LEPROT: variants seen among roughly 807,000 people sequenced by gnomAD.
The protein encoded by LEPROT is leptin receptor gene-related protein.
In LEPROT, 3 loss-of-function variants were observed where a neutral mutation model predicts 15.4. The observed-to-expected ratio is 0.19, with a 90% CI of 0.09 to 0.50. The LOEUF is 0.50. Among genes scored for constraint, LEPROT ranks in the 20% least tolerant of loss-of-function variants. The pLI, the probability that LEPROT is intolerant of heterozygous loss-of-function variation, is 0.97. For synonymous variants in LEPROT, 59 were observed against 57.5 expected (o/e 1.03, Z -0.12); for missense variants, 137 against 162.2 (o/e 0.84, Z 0.84).
Position 65,434,248 on chromosome 1 carries a change from T to C in LEPROT, c.*2329T>C, listed in dbSNP as rs757700562. 1 of 979,022 alleles carries C rather than the reference T, an allele frequency of 1.0e-6. No individual in the cohort carries two copies. The highest frequency in any genetic ancestry group is 1.2e-6 in the Non-Finnish European group (1 of 824,080). 60.6% of individuals were successfully genotyped at this position (979,022 alleles called of 1,614,324 possible). ...TAAATATTAATAGGAAATATTGCTA[T>C]ATCTGAATATATAATACAAAAGTTT... is the stretch of plus-strand genomic sequence containing the variant. On this transcript the variant is annotated 3_prime_UTR_variant, in exon 4 of 4. Transcript: ENST00000371065.
intron 2 of LEPROT, among the ~76,000 whole-genome samples, chr1:65,426,375 A>C (rs575969453): frequency 4.6e-5 from 7 of 152,104 alleles, no homozygotes; most frequent in Non-Finnish European, 1.0e-4. Context: ...TGCCGTGTAG[A>C]GGAGGTTCCA....
chr1:65,435,180 A>G lies in LEPROT; in HGVS notation c.*3261A>G, dbSNP rs1351153139. 4 of 985,174 alleles carry G rather than the reference A, an allele frequency of 4.1e-6. No individual in the cohort carries two copies. Among genetic ancestry groups the G allele is most frequent in the African/African-American group, 3.5e-5 (2 of 57,168 alleles). The allele number at this position is 985,174 out of a possible 1,614,324, so 61.0% of individuals were successfully genotyped here. ...GTTCTGAGCTGGTCCTGCTTTTCAT[A>G]GTTGTTTCTTTTCTTCCACTTAAGA... is the stretch of plus-strand genomic sequence containing the variant. On this transcript the variant is annotated 3_prime_UTR_variant, in exon 4 of 4. Coordinates refer to ENST00000371065, the MANE Select transcript of LEPROT (RefSeq NM_017526.5).
rs980318507 is a variant in LEPROT at position 65,434,400 on chromosome 1, A to G, written c.*2481A>G. ...TCGAAAACTGAGATTGCACTTCCAAAATTGGCCACAAGTAAATAATCTTAT... is the reference window on the plus strand; with the variant it reads ...TCGAAAACTGAGATTGCACTTCCAAGATTGGCCACAAGTAAATAATCTTAT... On this transcript the variant is annotated 3_prime_UTR_variant, in exon 4 of 4. Coordinates refer to ENST00000371065, the MANE Select transcript of LEPROT (RefSeq NM_017526.5). The G allele has an allele frequency of 2.0e-6, 2 of 985,384 alleles. No homozygotes were observed. Among genetic ancestry groups the G allele is most frequent in the Non-Finnish European group, 2.4e-6 (2 of 829,926 alleles). The allele number at this position is 985,384 out of a possible 1,614,324, so 61.0% of individuals were successfully genotyped here.
Position 65,425,212 on chromosome 1 carries a change from C to T in LEPROT, c.17-91C>T. 4.9e-6 allele frequency: 5 copies of T among 1,027,822 alleles called. 1 individual carries two copies. In the South Asian group the frequency reaches 6.8e-5, roughly 14 times the overall value. The allele number at this position is 1,027,822 out of a possible 1,614,324, so 63.7% of individuals were successfully genotyped here. On this transcript the variant is annotated intron_variant, in intron 1 of 3. Transcript: ENST00000371065. ...CTCATCCGCCAAAGAAACTCTGGAC[C>T]TATTAGAAGTCACTCCCCATTTCCC...
chr1:65,431,822 G>T lies in LEPROT; in HGVS notation c.299G>T (p.Gly100Val). 6.2e-7 allele frequency: 1 copy of T among 1,613,778 alleles called. No homozygotes were observed. Among genetic ancestry groups the T allele is most frequent in the Non-Finnish European group, 8.5e-7 (1 of 1,179,854 alleles). Residue 100 changes from glycine (G) to valine (V), a missense_variant, in exon 4 of 4, where the codon GGC (glycine) becomes GTC (valine). By Grantham distance (109) the Gly-to-Val change is moderately radical. Coordinates refer to ENST00000371065, the MANE Select transcript of LEPROT (RefSeq NM_017526.5). The stretch of plus-strand genomic sequence containing the variant: ...TTTCAGATCAAATGGGGAGCCTGCG[G>T]CCTTGTGTTGGCAGGCAATGCAGTC... Reference protein sequence around the residue: ...RVAVIKWGACGLVLAGNAVIF... With the variant: ...RVAVIKWGACVLVLAGNAVIF...
Position 65,433,762 on chromosome 1 carries a change from C to G in LEPROT, c.*1843C>G. The G allele has an allele frequency of 1.1e-6, 1 of 918,440 alleles. No individual in the cohort carries two copies. Among genetic ancestry groups the G allele is most frequent in the African/African-American group, 1.8e-5 (1 of 55,782 alleles). The allele number at this position is 918,440 out of a possible 1,614,324, so 56.9% of individuals were successfully genotyped here. ...TTAACCGGCATTTTTAATAATGACA[C>G]TTGCATTTATTGTATTGTAATAAAT... On this transcript the variant is annotated 3_prime_UTR_variant, in exon 4 of 4. Coordinates refer to ENST00000371065, the MANE Select transcript of LEPROT (RefSeq NM_017526.5).
intron 2 of LEPROT, 37 bp from the exon 3 acceptor site, chr1:65,429,825 C>T (rs1376029423): frequency 7.2e-7 from 1 of 1,380,462 alleles, no homozygotes; most frequent in Non-Finnish European, 9.5e-7. Context: ...GTAACTGTTA[C>T]TTTTCTTTTT....
Position 65,434,610 on chromosome 1 carries a change from C to T in LEPROT, c.*2691C>T, listed in dbSNP as rs1646533459. ...CTGCCTGAGTTTTGGGTCTCTGAGA[C>T]AGGGTAGTGTGAGTAGTTTGGAGGA... On this transcript the variant is annotated 3_prime_UTR_variant, in exon 4 of 4. Coordinates refer to ENST00000371065, the MANE Select transcript of LEPROT (RefSeq NM_017526.5). The T allele has an allele frequency of 1.0e-6, 1 of 985,310 alleles. No homozygotes were observed. The highest frequency in any genetic ancestry group is 1.2e-6 in the Non-Finnish European group (1 of 829,960). The allele number at this position is 985,310 out of a possible 1,614,324, so 61.0% of individuals were successfully genotyped here.
chr1:65,431,229 A>G (rs1238057651), intron 3 of LEPROT, among the ~76,000 whole-genome samples: 1 of 152,204 alleles, frequency 6.6e-6, no homozygotes. Context: ...TACTGCCATC[A>G]TATTTTGTGA....
At chr1:65,420,763 C>G (rs747963440) in intron 1 of LEPROT, 23 bp downstream of exon 1, 2 of 1,576,738 alleles carry the variant, frequency 1.3e-6, no homozygotes, top group South Asian at 2.3e-5. Context: ...CCCCGGCTCG[C>G]TTGTCGTGTG....
chr1:65,429,789 A>G (rs2100215845), intron 2 of LEPROT, 73 bp from the exon 3 acceptor site: 3 of 1,213,118 alleles, frequency 2.5e-6, no homozygotes, highest in East Asian at 5.4e-5. Flanking sequence ...TGATTTTGAA[A>G]TAGTAGTATG....
intron 1 of LEPROT, chr1:65,421,201 CAG>C (rs1570405507): frequency 2.1e-6 from 2 of 960,546 alleles, no homozygotes; most frequent in East Asian, 2.7e-5. Flanking sequence ...TCCAACTGGG[CAG>C]AGTTGACCGC....
At position 65,420,717 on chromosome 1, in the gene LEPROT, C is replaced by A. The variant is rs189950527; in HGVS notation, c.-8C>A. 6.3e-7 allele frequency: 1 copy of A among 1,583,292 alleles called. No individual in the cohort carries two copies. The highest frequency in any genetic ancestry group is 1.3e-5 in the African/African-American group (1 of 74,494). On this transcript the variant is annotated 5_prime_UTR_variant, in exon 1 of 4. Transcript: ENST00000371065. The stretch of plus-strand genomic sequence containing the variant: ...GCCGGAAGCAGCCGCGGCCCCAGTT[C>A]GGGAGACATGGCGGGCGTTAAAGGT...
chr1:65,428,622 G>A (rs564539953), intron 2 of LEPROT, among the ~76,000 whole-genome samples: 1 of 152,088 alleles, frequency 6.6e-6, no homozygotes, highest in Non-Finnish European at 1.5e-5. Context: ...CATTAGTGTG[G>A]CTTCATCCCA....
rs559953547 is a variant in LEPROT at position 65,424,561 on chromosome 1, C to T, written c.17-742C>T. 1.1e-4 allele frequency among the ~76,000 whole-genome samples: 16 copies of T among 152,164 alleles called. No individual in the cohort carries two copies. The South Asian group carries it at 3.1e-3, about 30-fold the overall frequency. ...TGTATACTTTATGATTTCAAGGTGG[C>T]AGACATGGGTCATTGTCTTAATCAG... On this transcript the variant is annotated intron_variant, in intron 1 of 3. Transcript: ENST00000371065.
At chr1:65,431,382 C>T (rs2100227326) in intron 3 of LEPROT, among the ~76,000 whole-genome samples, 1 of 152,230 alleles carries the variant, frequency 6.6e-6, no homozygotes, top group South Asian at 2.1e-4. Flanking sequence ...TGTATGAAGA[C>T]TATTATTTAA....
At chr1:65,428,643 G>A (rs979181019) in intron 2 of LEPROT, among the ~76,000 whole-genome samples, 10 of 152,138 alleles carry the variant, frequency 6.6e-5, no homozygotes, top group Non-Finnish European at 8.8e-5. Flanking sequence ...ACTCCTGCTT[G>A]TAGGTGCTGT....
chr1:65,434,069 C>G lies in LEPROT; in HGVS notation c.*2150C>G. Reference sequence around the variant, plus strand: ...TACACATTTTCAATAACCAAGGTAGCCTTCATATGTAGCCTTAAAGCATTA... The same window carrying G: ...TACACATTTTCAATAACCAAGGTAGGCTTCATATGTAGCCTTAAAGCATTA... On this transcript the variant is annotated 3_prime_UTR_variant, in exon 4 of 4. Coordinates refer to ENST00000371065, the MANE Select transcript of LEPROT (RefSeq NM_017526.5). 1 of 985,216 alleles carries G rather than the reference C, an allele frequency of 1.0e-6. No homozygotes were observed. The highest frequency in any genetic ancestry group is 1.2e-6 in the Non-Finnish European group (1 of 829,832). 61.0% of individuals were successfully genotyped at this position (985,216 alleles called of 1,614,324 possible).
At chr1:65,427,348 A>G (rs1456532028) in intron 2 of LEPROT, among the ~76,000 whole-genome samples, 1 of 152,162 alleles carries the variant, frequency 6.6e-6, no homozygotes, top group Non-Finnish European at 1.5e-5. Flanking sequence ...CAACGGTAGG[A>G]GGATTGCTTG....
Sources: gnomAD v4.1 joint callset for allele counts (sites outside exome capture counted in the v4.1 genomes callset) on GRCh38, gnomAD v4.1.1 for gene constraint, MANE v1.5 for transcripts, NCBI Gene and HGNC (gene_info 2026-07-23, HGNC 2026-07-21) for gene names.